RBM19: variants seen among roughly 807,000 people sequenced by gnomAD.
RBM19 encodes the protein RNA binding motif protein 19.
In RBM19, 94 loss-of-function variants were observed where a neutral mutation model predicts 116.8. The observed-to-expected ratio is 0.80, with a 90% confidence interval of 0.68 to 0.95. The LOEUF is 0.95. Among genes scored for constraint, RBM19 ranks in the 40% least tolerant of loss-of-function variants. RBM19 has a pLI of 0.00. For missense variants in RBM19, 1,161 were observed against 1,220.7 expected, an observed-to-expected ratio of 0.95 and a Z score of 0.73; for synonymous variants, 475 against 494.1, an observed-to-expected ratio of 0.96 and a Z score of 0.51.
intron 21 of RBM19, among the ~76,000 whole-genome samples, chr12:113,904,688 CAT>C (rs1314856244): frequency 5.3e-5 from 8 of 152,306 alleles, no homozygotes; most frequent in South Asian, 4.1e-4. Flanking sequence ...CCCAAACACA[CAT>C]AGACACACGG....
At chr12:113,850,164 G>A (rs1744270530) in intron 22 of RBM19, among the ~76,000 whole-genome samples, 1 of 152,194 alleles carries the variant, frequency 6.6e-6, no homozygotes, top group South Asian at 2.1e-4. Context: ...CACACCACCT[G>A]GGGGTGGGGA....
intron 23 of RBM19, among the ~76,000 whole-genome samples, chr12:113,841,325 T>A (rs1023655378): frequency 7.2e-5 from 11 of 152,216 alleles, no homozygotes; most frequent in Non-Finnish European, 1.5e-4. Flanking sequence ...GATCTTGGGT[T>A]CATGGTCCCG....
rs115936243 is a variant in RBM19, at chr12:113,903,660, G to A, written c.2558+11309C>T. 5.6e-3 allele frequency among the ~76,000 whole-genome samples: 848 copies of A among 152,264 alleles called. 9 individuals carry two copies. Among genetic ancestry groups the A allele is most frequent in the African/African-American group, 0.019 (807 of 41,540 alleles). On this transcript the variant is annotated intron_variant, in intron 21 of 23. Coordinates refer to ENST00000261741, the MANE Select transcript of RBM19 (RefSeq NM_016196.4). The surrounding 1 kb of genome is among the most constrained non-coding windows in gnomAD (Gnocchi z 5.1). ...CACTATTTTTTATTTTAGCCATCCT[G>A]ACCGTTACATGTATATTCATTTGTT...
At chr12:113,876,674 C>T (rs117345684) in intron 21 of RBM19, among the ~76,000 whole-genome samples, 6,371 of 152,050 alleles carry the variant, frequency 0.042, 342 homozygotes, top group Admixed American at 0.16. Context: ...GCCTGTGTTC[C>T]CAGATACCGT....
Position 113,938,095 on chromosome 12 carries a change from G to A in RBM19, c.1939-959C>T, listed in dbSNP as rs1027445262. On this transcript the variant is annotated intron_variant, in intron 15 of 23. Coordinates refer to ENST00000261741, the MANE Select transcript of RBM19 (RefSeq NM_016196.4). ...AAATGAAGACAGCAGTCTTCTTGTC[G>A]GTGAAACAGACACTGCCCAAAACAG... is the stretch of plus-strand genomic sequence containing the variant. 5.3e-5 allele frequency among the ~76,000 whole-genome samples: 8 copies of A among 152,148 alleles called. No individual in the cohort carries two copies. The East Asian group carries it at 5.8e-4, about 11-fold the overall frequency.
At chr12:113,823,874 G>A (rs1433067302) in intron 23 of RBM19, among the ~76,000 whole-genome samples, 1 of 152,204 alleles carries the variant, frequency 6.6e-6, no homozygotes, top group Non-Finnish European at 1.5e-5. Context: ...CCAGGCTAAT[G>A]GTGCAGTACA....
At chr12:113,829,702 C>G (rs1254658502) in intron 23 of RBM19, among the ~76,000 whole-genome samples, 1 of 152,200 alleles carries the variant, frequency 6.6e-6, no homozygotes, top group Non-Finnish European at 1.5e-5. Context: ...ACCAAAGTTA[C>G]TCTTCTGCAG....
intron 21 of RBM19, among the ~76,000 whole-genome samples, chr12:113,908,685 C>CATG (rs1466598532): frequency 6.7e-6 from 1 of 150,290 alleles, no homozygotes; most frequent in Admixed American, 6.6e-5. Context: ...ATCCCTGACC[C>CATG]ATGGCAGGAG....
At position 113,959,408 on chromosome 12, in the gene RBM19, G is replaced by C. The variant is rs1024351343; in HGVS notation, c.379-4C>G. On this transcript the variant is annotated splice_polypyrimidine_tract_variant and splice_region_variant and intron_variant, in intron 4 of 23. Transcript: ENST00000261741. ...GGAACTCTGTATCCTCCTTCAGCTG[G>C]TGGCACCAGAACCCGGGCGGCAGGG... is the stretch of plus-strand genomic sequence containing the variant. 6.3e-7 allele frequency: 1 copy of C among 1,597,150 alleles called. No homozygotes were observed. The highest frequency in any genetic ancestry group is 1.3e-5 in the African/African-American group (1 of 74,630).
chr12:113,924,075 C>T (rs945722847), intron 18 of RBM19, among the ~76,000 whole-genome samples: 36 of 152,174 alleles, frequency 2.4e-4, no homozygotes, highest in Admixed American at 7.9e-4. Flanking sequence ...AAAGCAAGGA[C>T]GTATCCCCTG....
At chr12:113,902,112 T>A (rs1881738452) in intron 21 of RBM19, among the ~76,000 whole-genome samples, 1 of 152,198 alleles carries the variant, frequency 6.6e-6, no homozygotes. Flanking sequence ...ATTGACCTTA[T>A]TCAGATTTCA....
chr12:113,826,669 C>T (rs1389861742), intron 23 of RBM19, among the ~76,000 whole-genome samples: 1 of 152,132 alleles, frequency 6.6e-6, no homozygotes, highest in Non-Finnish European at 1.5e-5. Flanking sequence ...CAATTTCTAA[C>T]CTGTAAAATG....
At chr12:113,834,829 G>A (rs1268089293) in intron 23 of RBM19, among the ~76,000 whole-genome samples, 1 of 152,170 alleles carries the variant, frequency 6.6e-6, no homozygotes, top group African/African-American at 2.4e-5. Flanking sequence ...AACTGCTCTG[G>A]GTCTTGGTTT....
rs377175637 is a variant in RBM19 at position 113,888,808 on chromosome 12, G to A, written c.2558+26161C>T. Among the ~76,000 whole-genome samples, 5 of 152,184 alleles carry A rather than the reference G, an allele frequency of 3.3e-5. No individual in the cohort carries two copies. In the East Asian group the frequency reaches 9.6e-4, roughly 29 times the overall value. On this transcript the variant is annotated intron_variant, in intron 21 of 23. Coordinates refer to ENST00000261741, the MANE Select transcript of RBM19 (RefSeq NM_016196.4). ...GGAGGTAAAAACTTCAACCTCATGG[G>A]ACTATTGTGAGGACCAAAGGGATAT...
intron 21 of RBM19, among the ~76,000 whole-genome samples, chr12:113,880,612 T>A (rs1033335959): frequency 1.3e-5 from 2 of 152,148 alleles, no homozygotes; most frequent in African/African-American, 4.8e-5. Context: ...CTGGGGCACC[T>A]GACACTCCCC....
intron 23 of RBM19, among the ~76,000 whole-genome samples, chr12:113,832,877 G>A (rs760926693): frequency 7.2e-5 from 11 of 152,150 alleles, no homozygotes; most frequent in African/African-American, 1.9e-4. Context: ...TGGCCTATTC[G>A]CAAAGGCTGA....
At chr12:113,844,032 C>T (rs910909556) in intron 23 of RBM19, among the ~76,000 whole-genome samples, 1 of 152,240 alleles carries the variant, frequency 6.6e-6, no homozygotes, top group East Asian at 1.9e-4. Flanking sequence ...GCCTCTTCCA[C>T]CTGAGCCTAG....
At chr12:113,944,894 T>G (rs1375452023) in intron 13 of RBM19, among the ~76,000 whole-genome samples, 1 of 151,848 alleles carries the variant, frequency 6.6e-6, no homozygotes, top group African/African-American at 2.4e-5. Flanking sequence ...TTTATATACA[T>G]ATACACACAC....
chr12:113,845,995 A>T (rs562216924), intron 22 of RBM19, among the ~76,000 whole-genome samples: 1 of 152,252 alleles, frequency 6.6e-6, no homozygotes, highest in African/African-American at 2.4e-5. Flanking sequence ...ATGAGTTAAC[A>T]GCGTCTAGAA....
Sources: gnomAD v4.1 joint callset for allele counts (sites outside exome capture counted in the v4.1 genomes callset) on GRCh38, gnomAD v4.1.1 for gene constraint, Gnocchi (gnomAD v3.1) non-coding constraint, MANE v1.5 for transcripts, NCBI Gene and HGNC (gene_info 2026-07-23, HGNC 2026-07-21) for gene names.